The following TMEM176B variants were observed in gnomAD, a reference collection of about 807,000 sequenced individuals.
TMEM176B encodes transmembrane protein 176B.
TMEM176B carries 28 observed loss-of-function variants against 30.3 expected under a neutral mutation model. That is an observed-to-expected ratio of 0.92 (90% CI 0.68 to 1.27). TMEM176B has a LOEUF of 1.27. Ranked by LOEUF, TMEM176B falls within the 50% of genes most tolerant of loss-of-function variation. The pLI, the probability that TMEM176B is intolerant of heterozygous loss-of-function variation, is 0.00. For missense variants in TMEM176B, 349 were observed against 327.4 expected, an observed-to-expected ratio of 1.07 and a Z score of -0.51; for synonymous variants, 123 against 130.3, an observed-to-expected ratio of 0.94 and a Z score of 0.38.
At chr7:150,796,345 C>G (rs765119876) in intron 2 of TMEM176B, 21 bp downstream of exon 2, 1 of 1,611,776 alleles carries the variant, frequency 6.2e-7, no homozygotes, top group African/African-American at 1.3e-5. Flanking sequence ...GCCCCCCAAC[C>G]CCGCACCACC....
In TMEM176B at chr7:150,796,538, A is replaced by C. The variant is rs751914778; in HGVS notation, c.32T>G (p.Val11Gly). Residue 11 changes from valine (V) to glycine (G), a missense_variant, in exon 2 of 7, where the codon GTT (valine) becomes GGT (glycine). Physicochemically the swap from Val to Gly is moderately radical, Grantham distance 109. Coordinates refer to ENST00000326442, the MANE Select transcript of TMEM176B (RefSeq NM_001101312.2). Reference sequence around the variant, plus strand: ...CTGGGATGGCCTAGAGGCCATAGCAACTCCATTCACAATCACCGTGTTTTG... The same window carrying C: ...CTGGGATGGCCTAGAGGCCATAGCACCTCCATTCACAATCACCGTGTTTTG... Reference protein sequence around the residue: MTQNTVIVNGVAMASRPSQPT... With the variant: MTQNTVIVNGGAMASRPSQPT... 1.2e-6 allele frequency: 2 copies of C among 1,614,130 alleles called. No homozygotes were observed. Among genetic ancestry groups the C allele is most frequent in the Non-Finnish European group, 1.7e-6 (2 of 1,180,036 alleles).
intron 2 of TMEM176B, among the ~76,000 whole-genome samples, chr7:150,795,574 T>C (rs1212265953): frequency 6.6e-6 from 1 of 152,194 alleles, no homozygotes; most frequent in Admixed American, 6.5e-5. Context: ...CCAGGGATTC[T>C]CTCTGTAGCT....
upstream of TMEM176B, chr7:150,801,124 G>C: frequency 2.9e-6 from 1 of 346,102 alleles, no homozygotes; most frequent in Non-Finnish European, 4.1e-6. Context: ...GGGCGCAGCT[G>C]CTGGCACAGG....
chr7:150,791,907 C>T, intron 6 of TMEM176B, 149 bp downstream of exon 6: 2 of 1,225,546 alleles, frequency 1.6e-6, no homozygotes, highest in South Asian at 1.5e-5. Flanking sequence ...ATTCCCCAGA[C>T]AGCAAAGGGG....
At chr7:150,797,501 T>C (rs1203744472) in intron 1 of TMEM176B, among the ~76,000 whole-genome samples, 1 of 152,204 alleles carries the variant, frequency 6.6e-6, no homozygotes, top group Non-Finnish European at 1.5e-5. Flanking sequence ...GAGACTTACA[T>C]AATCTCTTTG....
chr7:150,794,352 T>TC (rs550474146), intron 2 of TMEM176B, among the ~76,000 whole-genome samples: 239 of 149,446 alleles, frequency 1.6e-3, no homozygotes, highest in East Asian at 0.011. Context: ...TTCCCACTTT[T>TC]CCCCCCCCAT....
chr7:150,791,751 G>GAA, intron 6 of TMEM176B, 128 bp from the exon 7 acceptor site: 1 of 844,572 alleles, frequency 1.2e-6, no homozygotes. Flanking sequence ...AGCAGATCAG[G>GAA]CAAAAAAAAA....
At chr7:150,797,118 C>T (rs909308279) in intron 1 of TMEM176B, among the ~76,000 whole-genome samples, 3 of 152,178 alleles carry the variant, frequency 2.0e-5, no homozygotes, top group Admixed American at 6.5e-5. Flanking sequence ...AAAACCTTAT[C>T]GCTCATCTTT....
chr7:150,797,684 G>A (rs1299557345), intron 1 of TMEM176B, among the ~76,000 whole-genome samples: 1 of 152,148 alleles, frequency 6.6e-6, no homozygotes, highest in Non-Finnish European at 1.5e-5. Flanking sequence ...TGAGAACCCT[G>A]CCTTGTGGGC....
At position 150,791,513 on chromosome 7, in the gene TMEM176B, C is replaced by T. The variant is rs565340816; in HGVS notation, c.*18G>A. The stretch of plus-strand genomic sequence containing the variant: ...CCTAGACAGGGACATGCGGGCACCC[C>T]GTGGGGTCTTTGGCAGCTCACAGGA... On this transcript the variant is annotated 3_prime_UTR_variant, in exon 7 of 7. Coordinates refer to ENST00000326442, the MANE Select transcript of TMEM176B (RefSeq NM_001101312.2). 11 of 1,610,558 alleles carry T rather than the reference C, an allele frequency of 6.8e-6. No individual in the cohort carries two copies. The highest frequency in any genetic ancestry group is 1.9e-4 in the Middle Eastern group (1 of 5,316).
At chr7:150,797,276 T>C (rs1282322651) in intron 1 of TMEM176B, among the ~76,000 whole-genome samples, 2 of 152,194 alleles carry the variant, frequency 1.3e-5, no homozygotes, top group Non-Finnish European at 2.9e-5. Context: ...ACACACTGAT[T>C]TGCATGATGC....
At chr7:150,796,683 G>A (rs923387593) in intron 1 of TMEM176B, 109 bp from the exon 2 acceptor site, 2 of 1,103,136 alleles carry the variant, frequency 1.8e-6, no homozygotes, top group Non-Finnish European at 1.3e-6. Context: ...TCCCAGCTGG[G>A]CACAATAGCT....
At position 150,793,287 on chromosome 7, in the gene TMEM176B, G is replaced by T; in HGVS notation, c.401C>A (p.Ala134Glu). The T allele has an allele frequency of 1.2e-6, 2 of 1,614,176 alleles. No individual in the cohort carries two copies. Among genetic ancestry groups the T allele is most frequent in the Non-Finnish European group, 8.5e-7 (1 of 1,180,032 alleles). The change falls in exon 5 of 7, where the codon GCA becomes GAA. Residue 134 changes from alanine to glutamate, a missense_variant. Coordinates refer to ENST00000326442, the MANE Select transcript of TMEM176B (RefSeq NM_001101312.2). ...AGCAGCCATAGCTGTAGCAAAGCCT[G>T]CCAGGGTGAGCAGGCTGGATATATA... ...AGYISSLLTL[A>E]GFATAMAAVV...
At chr7:150,791,698 C>G in intron 6 of TMEM176B, 75 bp from the exon 7 acceptor site, 1 of 1,312,090 alleles carries the variant, frequency 7.6e-7, no homozygotes. Flanking sequence ...ACTCAGAAAG[C>G]AGAAAGAGGA....
chr7:150,797,519 C>T (rs1315369202), intron 1 of TMEM176B, among the ~76,000 whole-genome samples: 1 of 152,220 alleles, frequency 6.6e-6, no homozygotes, highest in Non-Finnish European at 1.5e-5. Flanking sequence ...TTGAGGTGAT[C>T]ATCCTTGGCT....
chr7:150,797,732 C>T (rs1798582979), intron 1 of TMEM176B, among the ~76,000 whole-genome samples: 1 of 152,156 alleles, frequency 6.6e-6, no homozygotes, highest in Non-Finnish European at 1.5e-5. Context: ...TCAAGTGACT[C>T]GATTATGATT....
intron 2 of TMEM176B, 70 bp downstream of exon 2, chr7:150,796,296 G>A: frequency 1.4e-6 from 2 of 1,437,996 alleles, no homozygotes; most frequent in Non-Finnish European, 1.9e-6. Flanking sequence ...TTGAAGATTT[G>A]GCTCTATATT....
chr7:150,794,932 C>A (rs939056506), intron 2 of TMEM176B, among the ~76,000 whole-genome samples: 1 of 151,552 alleles, frequency 6.6e-6, no homozygotes, highest in Admixed American at 6.6e-5. Flanking sequence ...CACACACACA[C>A]ACACACACAC....
chr7:150,793,392 C>G (rs1798395739), intron 4 of TMEM176B, 77 bp from the exon 5 acceptor site: 3 of 1,515,624 alleles, frequency 2.0e-6, no homozygotes, highest in East Asian at 4.8e-5. Context: ...TCAAATCCCT[C>G]TCCTCTTCCC....
Sources: allele counts gnomAD v4.1 joint callset (sites outside exome capture counted in the v4.1 genomes callset), GRCh38; gene constraint gnomAD v4.1.1; transcripts MANE v1.5; gene names NCBI Gene and HGNC (gene_info 2026-07-23, HGNC 2026-07-21).